Variants in ANXA2 observed in about 807,000 individuals in gnomAD.
ANXA2 encodes the protein annexin A2.
In ANXA2, 28 loss-of-function variants were observed where a neutral mutation model predicts 47.3. The observed-to-expected ratio is 0.59, with a 90% CI of 0.44 to 0.81. The LOEUF (loss-of-function observed/expected upper bound fraction) is 0.81. Ranked by LOEUF, ANXA2 falls within the 40% of genes least tolerant of loss-of-function variation. ANXA2 has a pLI of 0.00. For missense variants in ANXA2, 384 were observed against 414.3 expected (o/e 0.93, Z 0.64); for synonymous variants, 172 against 155.5 (o/e 1.11, Z -0.79).
chr15:60,365,330 A>G (rs1182282444), intron 3 of ANXA2, among the ~76,000 whole-genome samples: 2 of 152,208 alleles, frequency 1.3e-5, no homozygotes, highest in Non-Finnish European at 2.9e-5. Flanking sequence ...TTCCAATTTC[A>G]TATCAGAAAT....
At chr15:60,357,721 G>T (rs1056612439) in intron 5 of ANXA2, among the ~76,000 whole-genome samples, 2 of 151,904 alleles carry the variant, frequency 1.3e-5, no homozygotes, top group Non-Finnish European at 2.9e-5. Flanking sequence ...GTGAACCTGG[G>T]AGGTGGAGCT....
At chr15:60,390,032 A>G (rs1318197181) in intron 1 of ANXA2, among the ~76,000 whole-genome samples, 1 of 152,196 alleles carries the variant, frequency 6.6e-6, no homozygotes, top group African/African-American at 2.4e-5. Context: ...GGTTGACCTC[A>G]TCTTCCCTAC....
At chr15:60,353,830 T>C (rs1237525362) in intron 8 of ANXA2, among the ~76,000 whole-genome samples, 1 of 152,092 alleles carries the variant, frequency 6.6e-6, no homozygotes, top group Admixed American at 6.6e-5. Context: ...TGGAGAGGCA[T>C]ATGTGGAGCG....
chr15:60,370,036 C>T (rs182001284), intron 3 of ANXA2, among the ~76,000 whole-genome samples: 3 of 152,310 alleles, frequency 2.0e-5, no homozygotes, highest in African/African-American at 2.4e-5. Flanking sequence ...ATCCAATTAT[C>T]GGAGATCCCC....
intron 7 of ANXA2, 38 bp downstream of exon 7, chr15:60,355,881 G>C: frequency 6.5e-7 from 1 of 1,536,862 alleles, no homozygotes; most frequent in Non-Finnish European, 9.0e-7. Context: ...CTTGCCTTGG[G>C]AGGAAGCAAG....
At chr15:60,388,163 G>C (rs866207972) in intron 1 of ANXA2, among the ~76,000 whole-genome samples, 1 of 151,826 alleles carries the variant, frequency 6.6e-6, no homozygotes, top group Non-Finnish European at 1.5e-5. Context: ...ACTCCAGCCT[G>C]GGCAACAAGA....
At chr15:60,392,517 GA>G (rs2063026657) in intron 1 of ANXA2, among the ~76,000 whole-genome samples, 1 of 151,414 alleles carries the variant, frequency 6.6e-6, no homozygotes, top group Non-Finnish European at 1.5e-5. Context: ...CTCCCAAAAA[GA>G]AGAGTAAAAG....
intron 3 of ANXA2, among the ~76,000 whole-genome samples, chr15:60,371,136 T>C (rs1257664000): frequency 6.6e-6 from 1 of 152,228 alleles, no homozygotes; most frequent in East Asian, 1.9e-4. Flanking sequence ...AAGGAAATCT[T>C]TAAGCATTTA....
At chr15:60,366,275 G>A (rs1379927884) in intron 3 of ANXA2, among the ~76,000 whole-genome samples, 1 of 151,202 alleles carries the variant, frequency 6.6e-6, no homozygotes, top group Non-Finnish European at 1.5e-5. Context: ...CACCCCGTCT[G>A]GGAAGTGAGG....
intron 3 of ANXA2, among the ~76,000 whole-genome samples, chr15:60,379,456 TTCAAGGCAATGAAAA>T (rs1359534020): frequency 1.4e-4 from 22 of 152,146 alleles, no homozygotes; most frequent in African/African-American, 5.3e-4. Flanking sequence ...CTGAAAATAA[TTCAAGGCAATGAAAA>T]AAATCCAAGG....
At chr15:60,364,846 T>C (rs2062570678) in intron 3 of ANXA2, among the ~76,000 whole-genome samples, 1 of 151,896 alleles carries the variant, frequency 6.6e-6, no homozygotes, top group South Asian at 2.1e-4. Flanking sequence ...GGCAGTCAGA[T>C]GGAACAACAG....
At chr15:60,383,808 T>A (rs918172030) in intron 2 of ANXA2, 5 of 152,146 alleles carry the variant, frequency 3.3e-5, no homozygotes, top group Non-Finnish European at 7.3e-5. Context: ...ATCCGTGAGT[T>A]ACTTCTCCAC....
chr15:60,351,899 C>T (rs1032893125), intron 9 of ANXA2, 80 bp from the exon 10 acceptor site: 1 of 990,590 alleles, frequency 1.0e-6, no homozygotes, highest in African/African-American at 1.6e-5. Flanking sequence ...GTTTTATGCA[C>T]CATAATTTTT....
At chr15:60,349,256 T>C in intron 11 of ANXA2, 59 bp from the exon 12 acceptor site, 9 of 1,592,210 alleles carry the variant, frequency 5.7e-6, no homozygotes, top group Non-Finnish European at 7.7e-6. Flanking sequence ...AAAGAAAGCG[T>C]CTACAGGTTG....
Position 60,357,186 on chromosome 15 carries a change from G to A in ANXA2, c.408C>T (p.Thr136=). 2 of 1,614,202 alleles carry A rather than the reference G, an allele frequency of 1.2e-6. No homozygotes were observed. The highest frequency in any genetic ancestry group is 1.7e-6 in the Non-Finnish European group (2 of 1,180,032). Residue 136 remains threonine (T), a synonymous_variant, in exon 6 of 13, where the codon ACC becomes ACT. Coordinates refer to ENST00000451270, the MANE Select transcript of ANXA2 (RefSeq NM_004039.3). The stretch of plus-strand genomic sequence containing the variant: ...TGTTAATTTCCTGCAGCTCCTGGTT[G>A]GTTCTGGAGCAGATGATCTCAATGA... ...DSLIEIICSR[T]NQELQEINRV...
intron 2 of ANXA2, 168 bp downstream of exon 2, chr15:60,385,860 A>G: frequency 3.7e-6 from 2 of 534,422 alleles, no homozygotes; most frequent in Non-Finnish European, 6.7e-6. Context: ...TATTTCCTTC[A>G]AATTGAACTA....
Position 60,347,703 on chromosome 15 carries a change from G to A in ANXA2, c.961-14C>T. ...CTTAGTGTCTTGCTACAATGGCCCA[G>A]GAAAGAAAAGAAACGTGGTATCAGA... On this transcript the variant is annotated splice_polypyrimidine_tract_variant and intron_variant, in intron 12 of 12. Coordinates refer to ENST00000451270, the MANE Select transcript of ANXA2 (RefSeq NM_004039.3). 6.2e-7 allele frequency: 1 copy of A among 1,613,610 alleles called. No homozygotes were observed. Among genetic ancestry groups the A allele is most frequent in the African/African-American group, 1.3e-5 (1 of 75,016 alleles).
intron 3 of ANXA2, among the ~76,000 whole-genome samples, chr15:60,369,848 C>T (rs2062688857): frequency 6.6e-6 from 1 of 152,170 alleles, no homozygotes; most frequent in South Asian, 2.1e-4. Context: ...GGTACAGGAT[C>T]GACTACAATT....
chr15:60,373,788 G>A (rs1349189838), intron 3 of ANXA2, among the ~76,000 whole-genome samples: 4 of 152,180 alleles, frequency 2.6e-5, no homozygotes, highest in African/African-American at 9.6e-5. Flanking sequence ...CTGAGTTAAC[G>A]ACTAGAAACA....
Sources: allele counts gnomAD v4.1 joint callset (sites outside exome capture counted in the v4.1 genomes callset), GRCh38; gene constraint gnomAD v4.1.1; transcripts MANE v1.5; gene names NCBI Gene and HGNC (gene_info 2026-07-23, HGNC 2026-07-21).